Variants in KCNB2 observed in about 807,000 individuals in gnomAD.
KCNB2 encodes potassium voltage-gated channel subfamily B member 2.
Under a neutral mutation model 61.5 loss-of-function variants are expected in KCNB2, and 15 were observed. The observed-to-expected ratio is 0.24, with a 90% CI of 0.16 to 0.38. KCNB2 has a LOEUF of 0.38. KCNB2 is among the 10% of genes least tolerant of loss of function. The pLI, the probability that KCNB2 is intolerant of heterozygous loss-of-function variation, is 1.00. For synonymous variants in KCNB2, 457 were observed against 446.0 expected, an observed-to-expected ratio of 1.02 and a Z score of -0.31; for missense variants, 828 against 1,125.2, an observed-to-expected ratio of 0.74 and a Z score of 3.78.
Position 72,537,564 on chromosome 8 carries a change from T to G in KCNB2, c.-415T>G, listed in dbSNP as rs556634913. 20 of 152,726 alleles carry G rather than the reference T, an allele frequency of 1.3e-4. No individual in the cohort carries two copies. Among genetic ancestry groups the G allele is most frequent in the African/African-American group, 4.8e-4 (20 of 41,556 alleles). 9.5% of individuals were successfully genotyped at this position (152,726 alleles called of 1,614,324 possible). ...GCGGCAGGGGGATGGGGACCCCGTG[T>G]GGGGAAGGGGTTGAAGATCGATGAA... is the stretch of plus-strand genomic sequence containing the variant. On this transcript the variant is annotated 5_prime_UTR_variant, in exon 1 of 3. Coordinates refer to ENST00000523207, the MANE Select transcript of KCNB2 (RefSeq NM_004770.3).
chr8:72,545,928 A>G (rs780090623), intron 1 of KCNB2, among the ~76,000 whole-genome samples: 18 of 152,196 alleles, frequency 1.2e-4, no homozygotes, highest in Non-Finnish European at 2.5e-4. Flanking sequence ...GATAGATCAA[A>G]TTAGTCACAA....
intron 2 of KCNB2, among the ~76,000 whole-genome samples, chr8:72,904,545 G>A (rs1323620729): frequency 5.9e-5 from 9 of 151,662 alleles, no homozygotes; most frequent in Non-Finnish European, 1.2e-4. Flanking sequence ...AAAAGAAAAA[G>A]AACAAAAAAG....
At chr8:72,818,769 G>A (rs1809445864) in intron 2 of KCNB2, among the ~76,000 whole-genome samples, 1 of 151,988 alleles carries the variant, frequency 6.6e-6, no homozygotes, top group South Asian at 2.1e-4. Context: ...ACACCTACAG[G>A]ATGCCAAGAT....
chr8:72,603,902 C>G (rs934268172), intron 2 of KCNB2, among the ~76,000 whole-genome samples: 1 of 152,006 alleles, frequency 6.6e-6, no homozygotes, highest in African/African-American at 2.4e-5. Flanking sequence ...ATCTACAAGC[C>G]GAGGAATGCC....
At chr8:72,894,627 C>CA (rs5892373) in intron 2 of KCNB2, among the ~76,000 whole-genome samples, 38,912 of 151,946 alleles carry the variant, frequency 0.26, 6,018 homozygotes, top group Non-Finnish European at 0.35. Context: ...TCAATCTTTC[C>CA]AAGGCCTCTC....
Position 72,572,789 on chromosome 8 carries a change from T to G in KCNB2, c.579+4476T>G, listed in dbSNP as rs770053786. On this transcript the variant is annotated intron_variant, in intron 2 of 2. Coordinates refer to ENST00000523207, the MANE Select transcript of KCNB2 (RefSeq NM_004770.3). ...GAGGGCCACAAATGATGGTACTACG[T>G]AAGTTTTTTTATTCCTTCTCACTAG... Among the ~76,000 whole-genome samples the G allele has an allele frequency of 5.9e-5, 9 of 152,316 alleles. No homozygotes were observed. In the South Asian group the frequency reaches 1.7e-3, roughly 28 times the overall value.
At chr8:72,557,949 G>C (rs1012947209) in intron 1 of KCNB2, among the ~76,000 whole-genome samples, 4 of 152,136 alleles carry the variant, frequency 2.6e-5, no homozygotes, top group Admixed American at 2.6e-4. Flanking sequence ...TAAATAAATT[G>C]GAGGCTATCC....
At chr8:72,838,676 A>G (rs1168986975) in intron 2 of KCNB2, among the ~76,000 whole-genome samples, 1 of 152,200 alleles carries the variant, frequency 6.6e-6, no homozygotes, top group Non-Finnish European at 1.5e-5. Flanking sequence ...AGATCCTGAT[A>G]TGGTAGGTTC....
Position 72,823,385 on chromosome 8 carries a change from T to C in KCNB2, c.580-112550T>C, listed in dbSNP as rs190169864. Among the ~76,000 whole-genome samples, 3 of 152,206 alleles carry C rather than the reference T, an allele frequency of 2.0e-5. No homozygotes were observed. In the East Asian group the frequency reaches 5.8e-4, roughly 30 times the overall value. On this transcript the variant is annotated intron_variant, in intron 2 of 2. Transcript: ENST00000523207. ...AGCAAATCCAGCCTGGGGAAGCAGG[T>C]TATCAAGCACTGGAGTCTGTGCACA...
At chr8:72,803,466 G>A (rs1413135127) in intron 2 of KCNB2, among the ~76,000 whole-genome samples, 2 of 152,064 alleles carry the variant, frequency 1.3e-5, no homozygotes, top group Non-Finnish European at 2.9e-5. Context: ...CTCCTACCTG[G>A]ACCACCAACA....
intron 2 of KCNB2, among the ~76,000 whole-genome samples, chr8:72,655,970 G>T (rs1806284952): frequency 1.3e-5 from 2 of 152,226 alleles, no homozygotes; most frequent in South Asian, 4.1e-4. Flanking sequence ...AATAGATGTG[G>T]TCCTAAGAAA....
At chr8:72,607,797 A>T (rs1805476440) in intron 2 of KCNB2, among the ~76,000 whole-genome samples, 1 of 152,216 alleles carries the variant, frequency 6.6e-6, no homozygotes, top group South Asian at 2.1e-4. Flanking sequence ...GACTAAAGCA[A>T]GTTTGAATAA....
intron 2 of KCNB2, among the ~76,000 whole-genome samples, chr8:72,733,606 G>A (rs576745025): frequency 5.3e-5 from 8 of 152,206 alleles, no homozygotes; most frequent in African/African-American, 1.9e-4. Context: ...ATGAAGTTTT[G>A]CCTGTAAAGC....
At chr8:72,778,241 TCA>T (rs1027729634) in intron 2 of KCNB2, among the ~76,000 whole-genome samples, 9 of 152,202 alleles carry the variant, frequency 5.9e-5, no homozygotes, top group African/African-American at 2.2e-4. Context: ...GAGTGAGTTT[TCA>T]CACAGAGGTA....
At chr8:72,636,876 T>A (rs1354310506) in intron 2 of KCNB2, among the ~76,000 whole-genome samples, 1 of 152,100 alleles carries the variant, frequency 6.6e-6, no homozygotes, top group Non-Finnish European at 1.5e-5. Flanking sequence ...ATTGGCCCAT[T>A]TCTGCCACCA....
intron 2 of KCNB2, among the ~76,000 whole-genome samples, chr8:72,768,724 G>A (rs773237029): frequency 2.0e-4 from 30 of 151,946 alleles, no homozygotes; most frequent in Non-Finnish European, 3.1e-4. Flanking sequence ...TTGATTTGGG[G>A]GTTAATTTTT....
At chr8:72,550,920 A>G (rs1018728043) in intron 1 of KCNB2, among the ~76,000 whole-genome samples, 1 of 152,194 alleles carries the variant, frequency 6.6e-6, no homozygotes, top group Non-Finnish European at 1.5e-5. Context: ...AGAGACAGGC[A>G]GGGATAGAAT....
intron 2 of KCNB2, among the ~76,000 whole-genome samples, chr8:72,823,228 A>G (rs1809540320): frequency 6.6e-6 from 1 of 152,152 alleles, no homozygotes; most frequent in African/African-American, 2.4e-5. Flanking sequence ...ACCCAGCAGA[A>G]GCCAGAAAGA....
At chr8:72,607,512 A>G (rs1458609383) in intron 2 of KCNB2, among the ~76,000 whole-genome samples, 1 of 152,232 alleles carries the variant, frequency 6.6e-6, no homozygotes, top group Non-Finnish European at 1.5e-5. Flanking sequence ...CCAGGCTGGC[A>G]TGTCCTGGCA....
Sources: gnomAD v4.1 joint callset for allele counts (sites outside exome capture counted in the v4.1 genomes callset) on GRCh38, gnomAD v4.1.1 for gene constraint, MANE v1.5 for transcripts, NCBI Gene and HGNC (gene_info 2026-07-23, HGNC 2026-07-21) for gene names.